TNRC6C: variants seen among roughly 807,000 people sequenced by gnomAD.
The protein encoded by TNRC6C is trinucleotide repeat containing adaptor 6C.
In TNRC6C, 20 loss-of-function variants were observed where a neutral mutation model predicts 153.7. The observed-to-expected ratio is 0.13, with a 90% confidence interval of 0.09 to 0.19. The LOEUF (loss-of-function observed/expected upper bound fraction) is 0.19. Ranked by LOEUF, TNRC6C falls within the 10% of genes least tolerant of loss-of-function variation. The probability of loss-of-function intolerance (pLI) is 1.00; values close to 1 mark genes in which losing one functional copy is unlikely to be tolerated. For missense variants in TNRC6C, 1,987 were observed against 2,172.0 expected (o/e 0.91, Z 1.69); for synonymous variants, 811 against 841.4 (o/e 0.96, Z 0.63).
chr17:78,065,313 C>T (rs867882055), intron 4 of TNRC6C, among the ~76,000 whole-genome samples: 21 of 151,608 alleles, frequency 1.4e-4, no homozygotes, highest in Admixed American at 1.1e-3. Context: ...GACTGTACCA[C>T]TCATGAGCCT....
chr17:78,050,356 A>T (rs376718734), exon 3 of TNRC6C: 1 of 1,612,118 alleles, frequency 6.2e-7, no homozygotes, highest in Non-Finnish European at 8.5e-7. Context: ...CCAAGGGCAC[A>T]TCCAGTTGCC....
At chr17:78,099,798 G>A (rs1236755281) in intron 17 of TNRC6C, among the ~76,000 whole-genome samples, 6 of 152,136 alleles carry the variant, frequency 3.9e-5, no homozygotes, top group Admixed American at 3.9e-4. Flanking sequence ...CATTAACTCA[G>A]AAGTCCACAG....
At chr17:78,087,530 C>T (rs77832597) in intron 13 of TNRC6C, among the ~76,000 whole-genome samples, 4 of 151,974 alleles carry the variant, frequency 2.6e-5, no homozygotes, top group African/African-American at 9.7e-5. Flanking sequence ...CAGTCAGAGC[C>T]CCCAAAATCT....
intron 9 of TNRC6C, among the ~76,000 whole-genome samples, chr17:78,078,000 G>A (rs2073114334): frequency 6.6e-6 from 1 of 152,138 alleles, no homozygotes; most frequent in South Asian, 2.1e-4. Context: ...GACTTTCTTA[G>A]GGATGAGGTT....
exon 6 of TNRC6C, chr17:78,071,127 A>T (rs1294492344): frequency 3.7e-6 from 6 of 1,607,366 alleles, no homozygotes; most frequent in Non-Finnish European, 5.1e-6. Context: ...CTGGATCATG[A>T]GCCGGCTGAT....
At chr17:78,051,962 A>G (rs990826152) in intron 3 of TNRC6C, among the ~76,000 whole-genome samples, 1 of 152,244 alleles carries the variant, frequency 6.6e-6, no homozygotes, top group Non-Finnish European at 1.5e-5. Context: ...CAGAGGGGCA[A>G]GGTCCAGAGT....
upstream of TNRC6C, among the ~76,000 whole-genome samples, chr17:78,003,635 A>G (rs2071447933): frequency 6.6e-6 from 1 of 152,220 alleles, no homozygotes; most frequent in African/African-American, 2.4e-5. Flanking sequence ...ATTTAGAAAC[A>G]GAAGGAAGGT....
chr17:78,068,630 CTAAAAAT>C (rs2072928463), intron 5 of TNRC6C, among the ~76,000 whole-genome samples: 1 of 152,108 alleles, frequency 6.6e-6, no homozygotes, highest in Admixed American at 6.5e-5. Context: ...CCCATCTCTA[CTAAAAAT>C]ACAAAAACTA....
At chr17:77,986,004 ATACT>A (rs1299950189) in intron 1 of TNRC6C, among the ~76,000 whole-genome samples, 1 of 152,248 alleles carries the variant, frequency 6.6e-6, no homozygotes, top group Non-Finnish European at 1.5e-5. Flanking sequence ...ACTGGACTAG[ATACT>A]TACCATCAGT....
At chr17:77,968,490 C>T (rs1403370505) in intron 1 of TNRC6C, among the ~76,000 whole-genome samples, 14 of 150,864 alleles carry the variant, frequency 9.3e-5, no homozygotes, top group African/African-American at 2.9e-4. Context: ...TACAGGCGCC[C>T]GCCACCACAC....
At chr17:78,091,591 G>A (rs1203739382) in exon 14 of TNRC6C, 6 of 1,564,248 alleles carry the variant, frequency 3.8e-6, no homozygotes, top group East Asian at 4.8e-5. Context: ...CCCTGGAGCA[G>A]AACCCTAGCA....
intron 1 of TNRC6C, among the ~76,000 whole-genome samples, chr17:77,982,737 A>G (rs1361760540): frequency 1.3e-5 from 2 of 152,228 alleles, no homozygotes; most frequent in East Asian, 3.9e-4. Context: ...AGGCTAAGGC[A>G]GGAGAATTGT....
intron 2 of TNRC6C, among the ~76,000 whole-genome samples, chr17:78,033,918 G>A (rs2072125701): frequency 6.6e-6 from 1 of 152,210 alleles, no homozygotes; most frequent in South Asian, 2.1e-4. Flanking sequence ...ACCCTTCACT[G>A]ACGAGGGGTC....
intron 3 of TNRC6C, among the ~76,000 whole-genome samples, chr17:78,059,876 A>G (rs934446734): frequency 6.6e-6 from 1 of 151,802 alleles, no homozygotes; most frequent in African/African-American, 2.4e-5. Context: ...AAAAGAAAAT[A>G]TAGTGTGCCC....
intron 2 of TNRC6C, among the ~76,000 whole-genome samples, chr17:78,036,740 A>G (rs947298407): frequency 6.6e-6 from 1 of 152,056 alleles, no homozygotes; most frequent in African/African-American, 2.4e-5. Context: ...CCTGGCCAAC[A>G]TAGCGAAACC....
chr17:78,029,071 T>G (rs1285866385), intron 1 of TNRC6C, among the ~76,000 whole-genome samples: 1 of 152,230 alleles, frequency 6.6e-6, no homozygotes, highest in Admixed American at 6.5e-5. Flanking sequence ...GATCTTTGTT[T>G]ATGCAACTTA....
intron 1 of TNRC6C, among the ~76,000 whole-genome samples, chr17:78,022,730 CT>C: frequency 6.6e-6 from 1 of 152,242 alleles, no homozygotes; most frequent in South Asian, 2.1e-4. Context: ...CATTTCGAGT[CT>C]TTTAAAAGGC....
chr17:77,987,756 C>G (rs1420280186), intron 1 of TNRC6C, among the ~76,000 whole-genome samples: 1 of 152,038 alleles, frequency 6.6e-6, no homozygotes, highest in South Asian at 2.1e-4. Flanking sequence ...CTCAGCTCAC[C>G]GCAACCTCTG....
At chr17:78,091,573 C>G in exon 14 of TNRC6C, 4 of 1,583,740 alleles carry the variant, frequency 2.5e-6, no homozygotes, top group Non-Finnish European at 3.4e-6. Context: ...TGCCCAGTGC[C>G]GCTTCCCCCC....
Sources: gnomAD v4.1 joint callset for allele counts (sites outside exome capture counted in the v4.1 genomes callset) on GRCh38, gnomAD v4.1.1 for gene constraint, MANE v1.5 for transcripts, NCBI Gene and HGNC (gene_info 2026-07-23, HGNC 2026-07-21) for gene names.